KLHL2: variants seen among roughly 807,000 people sequenced by gnomAD.
KLHL2 encodes the protein kelch-like protein 2.
In KLHL2, 15 loss-of-function variants were observed where a neutral mutation model predicts 75.8. The ratio of observed to expected loss-of-function variants is 0.20; its 90% CI spans 0.13 to 0.30. The LOEUF is 0.30. Among genes scored for constraint, KLHL2 ranks in the 10% least tolerant of loss-of-function variants. KLHL2 has a pLI of 1.00. For missense variants in KLHL2, 381 were observed against 741.0 expected (o/e 0.51, Z 5.64); for synonymous variants, 214 against 251.9 (o/e 0.85, Z 1.42).
intron 2 of KLHL2, among the ~76,000 whole-genome samples, chr4:165,222,292 G>A (rs919123838): frequency 4.6e-5 from 7 of 152,258 alleles, no homozygotes; most frequent in African/African-American, 1.7e-4. Flanking sequence ...TCTCAGCCTA[G>A]AGATGTTTTT....
intron 11 of KLHL2, among the ~76,000 whole-genome samples, chr4:165,311,801 CTT>C (rs994122705): frequency 7.9e-6 from 1 of 127,236 alleles, no homozygotes; most frequent in Non-Finnish European, 1.7e-5. Context: ...ATCCCTCCTC[CTT>C]TCTCTCTGTG....
chr4:165,287,808 C>T (rs1744202252), intron 5 of KLHL2, among the ~76,000 whole-genome samples: 1 of 152,094 alleles, frequency 6.6e-6, no homozygotes, highest in Non-Finnish European at 1.5e-5. Flanking sequence ...ATTTGTATAT[C>T]GTCTTTGGAG....
intron 9 of KLHL2, among the ~76,000 whole-genome samples, chr4:165,309,035 T>C (rs1745947615): frequency 6.6e-6 from 1 of 152,174 alleles, no homozygotes; most frequent in African/African-American, 2.4e-5. Context: ...CTGCAAAACA[T>C]TGAGCTCGTC....
At chr4:165,265,598 C>T (rs1742178880) in intron 5 of KLHL2, among the ~76,000 whole-genome samples, 1 of 151,694 alleles carries the variant, frequency 6.6e-6, no homozygotes, top group Non-Finnish European at 1.5e-5. Flanking sequence ...AACGTGTACA[C>T]GAGCACAACG....
At chr4:165,272,323 C>G (rs1359896566) in intron 5 of KLHL2, among the ~76,000 whole-genome samples, 4 of 152,038 alleles carry the variant, frequency 2.6e-5, no homozygotes, top group African/African-American at 9.7e-5. Flanking sequence ...TTATGAAAAA[C>G]CAAAGACAAA....
chr4:165,207,986 G>T lies in KLHL2; in HGVS notation c.26+84G>T. 1 of 1,034,860 alleles carries T rather than the reference G, an allele frequency of 9.7e-7. No homozygotes were observed. Among genetic ancestry groups the T allele is most frequent in the Non-Finnish European group, 1.2e-6 (1 of 817,592 alleles). 64.1% of individuals were successfully genotyped at this position (1,034,860 alleles called of 1,614,324 possible). ...GTCGCCGGCCGCGGGCGCAGCTCTG[G>T]GGACAGCCGCCGGGGCCGGCGGGAG... is the stretch of plus-strand genomic sequence containing the variant. On this transcript the variant is annotated intron_variant, in intron 1 of 14. Transcript: ENST00000226725. This position sits in a 1 kb window ranked among gnomAD's most constrained non-coding sequence, Gnocchi z 4.2.
intron 13 of KLHL2, among the ~76,000 whole-genome samples, chr4:165,314,522 ATC>A (rs1183782373): frequency 1.3e-5 from 2 of 152,182 alleles, no homozygotes; most frequent in African/African-American, 4.8e-5. Flanking sequence ...CCTACTATGT[ATC>A]TATCATACAC....
At chr4:165,263,115 A>G in intron 4 of KLHL2, 82 bp from the exon 5 acceptor site, 2 of 1,267,628 alleles carry the variant, frequency 1.6e-6, no homozygotes, top group Non-Finnish European at 2.2e-6. Context: ...ATGGCTGAAC[A>G]TCTTGTGTCC....
chr4:165,235,974 G>A (rs911059927), intron 3 of KLHL2, among the ~76,000 whole-genome samples: 14 of 151,994 alleles, frequency 9.2e-5, no homozygotes, highest in Admixed American at 3.3e-4. Context: ...GCTTGGACTG[G>A]GAGAAACCAA....
chr4:165,261,631 G>A (rs1462529445), intron 4 of KLHL2, among the ~76,000 whole-genome samples: 1 of 152,110 alleles, frequency 6.6e-6, no homozygotes, highest in Non-Finnish European at 1.5e-5. Flanking sequence ...GAGCCACCAC[G>A]CCTGACCTAT....
intron 1 of KLHL2, chr4:165,219,504 G>T (rs1737817599): frequency 5.5e-6 from 1 of 181,180 alleles, no homozygotes; most frequent in Non-Finnish European, 1.1e-5. Context: ...CAGGTAGAGA[G>T]CAAAATTTAA....
chr4:165,255,031 A>G (rs1275643769), intron 4 of KLHL2, among the ~76,000 whole-genome samples: 1 of 152,234 alleles, frequency 6.6e-6, no homozygotes, highest in Non-Finnish European at 1.5e-5. Context: ...TAATTTTTCA[A>G]TAACCCTGAA....
rs1741796505 is a variant in KLHL2, at chr4:165,262,765, G to A, written c.382-432G>A. The stretch of plus-strand genomic sequence containing the variant: ...GGCTAATTTTTATATTTTTTGTAGA[G>A]ATGAGGTCTTGCTATGTTGCCCAGC... On this transcript the variant is annotated intron_variant, in intron 4 of 14. Transcript: ENST00000226725. Among the ~76,000 whole-genome samples, 3 of 152,052 alleles carry A rather than the reference G, an allele frequency of 2.0e-5. No homozygotes were observed. The South Asian group carries it at 6.2e-4, about 31-fold the overall frequency.
intron 1 of KLHL2, among the ~76,000 whole-genome samples, chr4:165,213,244 T>C (rs570131463): frequency 3.0e-4 from 46 of 152,330 alleles, no homozygotes; most frequent in African/African-American, 1.1e-3. Flanking sequence ...TGGTCTTCTA[T>C]TGAGCTCTGT....
chr4:165,291,150 A>G (rs963241704), intron 5 of KLHL2, among the ~76,000 whole-genome samples: 2 of 152,178 alleles, frequency 1.3e-5, no homozygotes, highest in African/African-American at 4.8e-5. Context: ...GTGTCCATTT[A>G]GATCTTTTTG....
rs1747029275 is a variant in KLHL2, at chr4:165,322,098, A to G, written c.*38A>G. 1.9e-6 allele frequency: 3 copies of G among 1,569,752 alleles called. No individual in the cohort carries two copies. The highest frequency in any genetic ancestry group is 1.7e-4 in the Middle Eastern group (1 of 6,016). ...TTTTCAGCATATTTATACATGAGAA[A>G]CAGCCTTCAACAAGTATTTGTGAAG... On this transcript the variant is annotated 3_prime_UTR_variant, in exon 15 of 15. Coordinates refer to ENST00000226725, the MANE Select transcript of KLHL2 (RefSeq NM_007246.4).
intron 8 of KLHL2, among the ~76,000 whole-genome samples, chr4:165,299,890 C>T (rs979381985): frequency 1.3e-5 from 2 of 152,152 alleles, no homozygotes; most frequent in Non-Finnish European, 2.9e-5. Flanking sequence ...TGTCACTCTT[C>T]TGGAACAGAA....
chr4:165,247,608 A>G (rs1264860099), intron 4 of KLHL2, among the ~76,000 whole-genome samples: 1 of 150,836 alleles, frequency 6.6e-6, no homozygotes. Context: ...TGGGAGCAGG[A>G]AAACTTCTCT....
At chr4:165,222,149 C>T (rs1394560958) in intron 2 of KLHL2, among the ~76,000 whole-genome samples, 1 of 152,128 alleles carries the variant, frequency 6.6e-6, no homozygotes, top group Non-Finnish European at 1.5e-5. Flanking sequence ...ACCAAGTGCT[C>T]CTTCCCTTGG....
Sources: allele counts gnomAD v4.1 joint callset (sites outside exome capture counted in the v4.1 genomes callset), GRCh38; gene constraint gnomAD v4.1.1; non-coding constraint Gnocchi (gnomAD v3.1); transcripts MANE v1.5; gene names NCBI Gene and HGNC (gene_info 2026-07-23, HGNC 2026-07-21).